The following DNAH6 variants were observed in gnomAD, a reference collection of about 807,000 sequenced individuals.
DNAH6 encodes the protein axonemal beta dynein heavy chain 6.
In DNAH6, 340 loss-of-function variants were observed where a neutral mutation model predicts 491.4. The observed-to-expected ratio is 0.69, with a 90% confidence interval of 0.63 to 0.76. The LOEUF (loss-of-function observed/expected upper bound fraction) is 0.76. Ranked by LOEUF, DNAH6 falls within the 30% of genes least tolerant of loss-of-function variation. The pLI, the probability that DNAH6 is intolerant of heterozygous loss-of-function variation, is 0.00. For missense variants in DNAH6, 4,443 were observed against 4,972.2 expected (o/e 0.89, Z 3.20); for synonymous variants, 1,603 against 1,686.1 (o/e 0.95, Z 1.21).
chr2:84,659,331 A>G (rs1691262565), intron 37 of DNAH6, among the ~76,000 whole-genome samples, 162 bp downstream of exon 37: 1 of 152,126 alleles, frequency 6.6e-6, no homozygotes. Context: ...CATTTATCAT[A>G]TTTTTTAAGT....
chr2:84,766,501 C>T (rs1349794292), intron 64 of DNAH6, among the ~76,000 whole-genome samples: 1 of 152,046 alleles, frequency 6.6e-6, no homozygotes, highest in Non-Finnish European at 1.5e-5. Context: ...CATATAAAAA[C>T]CTGTAGGATG....
chr2:84,659,489 C>T (rs1691279572), intron 37 of DNAH6, among the ~76,000 whole-genome samples: 1 of 152,066 alleles, frequency 6.6e-6, no homozygotes, highest in Non-Finnish European at 1.5e-5. Flanking sequence ...TCCTGAATTG[C>T]TGGAATGTAC....
chr2:84,604,818 G>T (rs780563356), intron 19 of DNAH6, among the ~76,000 whole-genome samples: 2 of 152,038 alleles, frequency 1.3e-5, no homozygotes, highest in African/African-American at 4.8e-5. Context: ...TACCAAGAAT[G>T]ATCTTTTAAA....
chr2:84,624,626 T>G lies in DNAH6; in HGVS notation c.4353+6T>G. On this transcript the variant is annotated splice_donor_region_variant and intron_variant, in intron 28 of 76. Coordinates refer to ENST00000389394, the MANE Select transcript of DNAH6 (RefSeq NM_001370.2). ...TGGTTATTACTCCACTCACAGTAAG[T>G]TATTGATCACTTGGGTTAATATTGA... is the stretch of plus-strand genomic sequence containing the variant. The G allele has an allele frequency of 6.4e-7, 1 of 1,550,628 alleles. No individual in the cohort carries two copies. The highest frequency in any genetic ancestry group is 1.2e-5 in the South Asian group (1 of 83,766).
intron 4 of DNAH6, among the ~76,000 whole-genome samples, chr2:84,531,310 T>C (rs2365449): frequency 0.67 from 5,640 of 8,408 alleles, 2,158 homozygotes; most frequent in East Asian, 0.98. Context: ...TTTGGGGGCC[T>C]CAAGATTTAT....
the DNAH6 span, among the ~76,000 whole-genome samples, chr2:84,478,354 C>T: frequency 6.6e-6 from 1 of 152,202 alleles, no homozygotes; most frequent in Non-Finnish European, 1.5e-5. Flanking sequence ...TCCTTCTCCT[C>T]TGACAGAGAG....
chr2:84,699,434 A>G (rs566424598), intron 47 of DNAH6, among the ~76,000 whole-genome samples, 160 bp from the exon 48 acceptor site: 1 of 152,352 alleles, frequency 6.6e-6, no homozygotes, highest in Admixed American at 6.5e-5. Context: ...ACTGTGTGAG[A>G]GAAAGAGGTT....
chr2:84,635,042 C>T (rs1688740807), intron 30 of DNAH6, among the ~76,000 whole-genome samples: 1 of 152,146 alleles, frequency 6.6e-6, no homozygotes, highest in Non-Finnish European at 1.5e-5. Context: ...TGAGGGCCCC[C>T]ACTACTCCCT....
At chr2:84,489,074 G>A in the DNAH6 span, among the ~76,000 whole-genome samples, 10,297 of 152,180 alleles carry the variant, frequency 0.068, 1,132 homozygotes, top group African/African-American at 0.23. Flanking sequence ...GAAAAGTGGG[G>A]TATGTTATTG....
chr2:84,581,837 A>G (rs895261674), intron 14 of DNAH6, among the ~76,000 whole-genome samples: 3 of 152,220 alleles, frequency 2.0e-5, no homozygotes, highest in Non-Finnish European at 4.4e-5. Context: ...GGGGACAGTG[A>G]GAGGAGAATG....
chr2:84,736,491 C>G (rs1240176223), intron 62 of DNAH6, among the ~76,000 whole-genome samples: 1 of 151,964 alleles, frequency 6.6e-6, no homozygotes, highest in Non-Finnish European at 1.5e-5. Flanking sequence ...GGATGTTTTT[C>G]CATTTGTTTG....
chr2:84,712,381 C>T (rs1697125985), intron 56 of DNAH6, among the ~76,000 whole-genome samples: 1 of 152,176 alleles, frequency 6.6e-6, no homozygotes, highest in Non-Finnish European at 1.5e-5. Context: ...ATGGGACCCC[C>T]ATCACATACG....
In DNAH6 at chr2:84,617,067, G is replaced by T; in HGVS notation, c.3572+85G>T. On this transcript the variant is annotated intron_variant, in intron 23 of 76. Transcript: ENST00000389394. ...GGTTATAATTATAACCTCAAAGCATGAAGGAACTAGAGAGAGAAACAAAAA... is the reference window on the plus strand; with the variant it reads ...GGTTATAATTATAACCTCAAAGCATTAAGGAACTAGAGAGAGAAACAAAAA... 5.6e-6 allele frequency: 4 copies of T among 716,996 alleles called. No homozygotes were observed. The South Asian group carries it at 8.2e-5, about 15-fold the overall frequency. The allele number at this position is 716,996 out of a possible 1,614,324, so 44.4% of individuals were successfully genotyped here.
At chr2:84,507,466 G>C in the DNAH6 span, among the ~76,000 whole-genome samples, 3 of 152,152 alleles carry the variant, frequency 2.0e-5, no homozygotes, top group Non-Finnish European at 4.4e-5. Context: ...GAGATTTTGG[G>C]CTGAGACGAT....
chr2:84,740,879 C>G (rs574068041), intron 62 of DNAH6, among the ~76,000 whole-genome samples: 1 of 152,216 alleles, frequency 6.6e-6, no homozygotes, highest in East Asian at 1.9e-4. Context: ...ACTCTCCACA[C>G]TCACTGCTCA....
chr2:84,583,290 G>A (rs1207937680), intron 14 of DNAH6, among the ~76,000 whole-genome samples: 1 of 152,158 alleles, frequency 6.6e-6, no homozygotes, highest in Non-Finnish European at 1.5e-5. Context: ...CATCACACAT[G>A]CCTGGAAGCT....
upstream of DNAH6, among the ~76,000 whole-genome samples, chr2:84,515,381 A>G (rs1260194280): frequency 6.6e-6 from 1 of 152,170 alleles, no homozygotes; most frequent in Non-Finnish European, 1.5e-5. Context: ...GGAGTAAAGC[A>G]CTTGCTTTCT....
At chr2:84,788,067 A>G (rs1677379585) in intron 68 of DNAH6, among the ~76,000 whole-genome samples, 1 of 152,212 alleles carries the variant, frequency 6.6e-6, no homozygotes, top group South Asian at 2.1e-4. Flanking sequence ...AAACCTTAAA[A>G]CATGTTTGAG....
intron 28 of DNAH6, 111 bp downstream of exon 28, chr2:84,624,731 C>A: frequency 7.7e-7 from 1 of 1,306,524 alleles, no homozygotes; most frequent in Non-Finnish European, 1.0e-6. Flanking sequence ...ATGAATACAT[C>A]TTTGTAAAGC....
Sources: allele counts gnomAD v4.1 joint callset (sites outside exome capture counted in the v4.1 genomes callset), GRCh38; gene constraint gnomAD v4.1.1; transcripts MANE v1.5; gene names NCBI Gene and HGNC (gene_info 2026-07-23, HGNC 2026-07-21).